Variants in EVC2 observed in about 807,000 individuals in gnomAD.
The protein encoded by EVC2 is limbin.
A neutral mutation model predicts 149.3 loss-of-function variants in EVC2; 148 were observed. That is an observed-to-expected ratio of 0.99 (90% CI 0.87 to 1.14). The LOEUF (loss-of-function observed/expected upper bound fraction) is 1.14. EVC2 is among the 50% of genes most tolerant of loss of function. The pLI, the probability that EVC2 is intolerant of heterozygous loss-of-function variation, is 0.00. For missense variants in EVC2, 1,854 were observed against 1,627.3 expected (o/e 1.14, Z -2.40); for synonymous variants, 776 against 649.9 (o/e 1.19, Z -2.95).
chr4:5,687,681 T>C (rs767840279), intron 5 of EVC2, among the ~76,000 whole-genome samples: 1 of 152,044 alleles, frequency 6.6e-6, no homozygotes, highest in Non-Finnish European at 1.5e-5. Flanking sequence ...GGAGAGGTGC[T>C]TTCCTGACCC....
Position 5,657,609 on chromosome 4 carries a change from G to A in EVC2, c.1145+5498C>T, listed in dbSNP as rs943965161. ...GACTTTCCACCAAGAACACCATTGT[G>A]TAGAGGCACCTACTGTGCCAGGCAC... On this transcript the variant is annotated intron_variant, in intron 9 of 21. Coordinates refer to ENST00000344408, the MANE Select transcript of EVC2 (RefSeq NM_147127.5). This position sits in a 1 kb window ranked among gnomAD's most constrained non-coding sequence, Gnocchi z 4.7. Among the ~76,000 whole-genome samples, 1 of 152,006 alleles carries A rather than the reference G, an allele frequency of 6.6e-6. No individual in the cohort carries two copies. Among genetic ancestry groups the A allele is most frequent in the African/African-American group, 2.4e-5 (1 of 41,364 alleles).
chr4:5,549,141 T>G (rs766302745), intron 21 of EVC2, among the ~76,000 whole-genome samples: 1 of 152,176 alleles, frequency 6.6e-6, no homozygotes, highest in Non-Finnish European at 1.5e-5. Flanking sequence ...ATAGCAACAA[T>G]AAAACTAACC....
chr4:5,547,625 G>C (rs1721647450), intron 21 of EVC2, among the ~76,000 whole-genome samples: 1 of 152,192 alleles, frequency 6.6e-6, no homozygotes, highest in Admixed American at 6.5e-5. Flanking sequence ...CAGCTGCAGA[G>C]AGGAGCTACC....
At position 5,625,903 on chromosome 4, in the gene EVC2, C is replaced by G. The variant is rs770179911; in HGVS notation, c.1892G>C (p.Gly631Ala). 1.7e-5 allele frequency: 28 copies of G among 1,613,776 alleles called. No individual in the cohort carries two copies. The highest frequency in any genetic ancestry group is 2.1e-5 in the Non-Finnish European group (25 of 1,180,014). The change falls in exon 13 of 22, where the codon GGG (glycine) becomes GCG (alanine). Residue 631 changes from glycine to alanine, a missense_variant. Physicochemically the swap from Gly to Ala is moderately conservative, Grantham distance 60. Coordinates refer to ENST00000344408, the MANE Select transcript of EVC2 (RefSeq NM_147127.5). The surrounding 1 kb of genome is among the most constrained non-coding windows in gnomAD (Gnocchi z 4.0). ...TTCCATTTGGTCTTCATCCAGGTAC[C>G]CTGCTCTAGATGGAAAGGATGTAAA... Reference protein sequence around the residue: ...THLIQKHERAGYLDEDQMEML... With the variant: ...THLIQKHERAAYLDEDQMEML...
chr4:5,619,465 A>G lies in EVC2; in HGVS notation c.2502-783T>C, dbSNP rs115903233. 8.4e-3 allele frequency among the ~76,000 whole-genome samples: 1,286 copies of G among 152,278 alleles called. 15 individuals carry two copies. The highest frequency in any genetic ancestry group is 0.029 in the African/African-American group (1,212 of 41,566). On this transcript the variant is annotated intron_variant, in intron 14 of 21. Transcript: ENST00000344408. ...CCAATGAATGCCAAGGATTGCCAGC[A>G]ACACCAGCAGCTAAGAAAAGGTATG...
chr4:5,600,985 C>T (rs1349577154), intron 16 of EVC2, among the ~76,000 whole-genome samples: 2 of 152,242 alleles, frequency 1.3e-5, no homozygotes, highest in African/African-American at 2.4e-5. Context: ...CAGCTCTCTT[C>T]CTGCATTTGG....
intron 6 of EVC2, among the ~76,000 whole-genome samples, chr4:5,683,315 A>G (rs1033142490): frequency 6.6e-6 from 1 of 152,204 alleles, no homozygotes; most frequent in Non-Finnish European, 1.5e-5. Flanking sequence ...ATTCTAGTAC[A>G]TTCTGCTGTG....
In EVC2 at chr4:5,616,912, G is replaced by A. The variant is rs551848926; in HGVS notation, c.2707-1368C>T. 3.0e-3 allele frequency among the ~76,000 whole-genome samples: 453 copies of A among 152,270 alleles called. 3 individuals are homozygous for A. Among genetic ancestry groups the A allele is most frequent in the African/African-American group, 0.011 (437 of 41,558 alleles). ...TGAAGGCAGAAACTTCACTCCTGCCGGGACTCACCAGCTTCAAGGCAGGGG... is the reference window on the plus strand; with the variant it reads ...TGAAGGCAGAAACTTCACTCCTGCCAGGACTCACCAGCTTCAAGGCAGGGG... On this transcript the variant is annotated intron_variant, in intron 15 of 21. Transcript: ENST00000344408.
In EVC2 at chr4:5,696,712, C is replaced by G. The variant is rs937290140; in HGVS notation, c.283+881G>C. On this transcript the variant is annotated intron_variant, in intron 2 of 21. Coordinates refer to ENST00000344408, the MANE Select transcript of EVC2 (RefSeq NM_147127.5). The surrounding 1 kb of genome is among the most constrained non-coding windows in gnomAD (Gnocchi z 4.1). ...TAGGAGCATTGAGAACCTTGTGCTC[C>G]TGGGTCCAGCAGTGCCAGGGCCTGT... 6.6e-6 allele frequency among the ~76,000 whole-genome samples: 1 copy of G among 152,182 alleles called. No individual in the cohort carries two copies. Among genetic ancestry groups the G allele is most frequent in the African/African-American group, 2.4e-5 (1 of 41,438 alleles).
At chr4:5,687,623 C>T (rs774874800) in intron 5 of EVC2, among the ~76,000 whole-genome samples, 2 of 152,060 alleles carry the variant, frequency 1.3e-5, no homozygotes, top group Admixed American at 6.5e-5. Flanking sequence ...AAGGTGACAC[C>T]AGGGCCAGGT....
At chr4:5,554,656 G>A (rs1281853957) in intron 21 of EVC2, among the ~76,000 whole-genome samples, 1 of 152,188 alleles carries the variant, frequency 6.6e-6, no homozygotes, top group Non-Finnish European at 1.5e-5. Flanking sequence ...CTCACTTGAG[G>A]GAAGTGAGGA....
intron 21 of EVC2, among the ~76,000 whole-genome samples, chr4:5,544,843 C>T (rs1404001888): frequency 6.6e-6 from 1 of 152,164 alleles, no homozygotes. Context: ...CAAGGACATA[C>T]AGATCCAGCC....
intron 5 of EVC2, 152 bp downstream of exon 5, chr4:5,689,005 T>C (rs1331623505): frequency 1.9e-5 from 16 of 828,172 alleles, no homozygotes; most frequent in Middle Eastern, 4.6e-4. Flanking sequence ...TTCTCTTTTT[T>C]TGATACCCTG....
chr4:5,591,090 T>C (rs529422171), intron 16 of EVC2, among the ~76,000 whole-genome samples: 125 of 152,292 alleles, frequency 8.2e-4, no homozygotes, highest in Middle Eastern at 3.4e-3. Context: ...CAAGATGAGA[T>C]TGGGTGGAGA....
At chr4:5,568,925 G>A (rs1490544443) in intron 19 of EVC2, among the ~76,000 whole-genome samples, 2 of 152,178 alleles carry the variant, frequency 1.3e-5, no homozygotes, top group African/African-American at 4.8e-5. Flanking sequence ...CTGCAGCAGG[G>A]TGATTCAAAA....
chr4:5,675,987 A>T (rs7675573), intron 7 of EVC2, among the ~76,000 whole-genome samples: 1 of 152,030 alleles, frequency 6.6e-6, no homozygotes, highest in Admixed American at 6.5e-5. Context: ...TGCACTCTAA[A>T]TGAATTGGGG....
rs578164019 is a variant in EVC2 at position 5,666,057 on chromosome 4, C to G, written c.871-408G>C. On this transcript the variant is annotated intron_variant, in intron 7 of 21. Coordinates refer to ENST00000344408, the MANE Select transcript of EVC2 (RefSeq NM_147127.5). ...AGAGGAAGAACCCATGGCACCCTCA[C>G]CTTCCCGCTACCCTCTATTAACTTT... is the stretch of plus-strand genomic sequence containing the variant. 3.5e-3 allele frequency among the ~76,000 whole-genome samples: 538 copies of G among 152,248 alleles called. 1 individual carries two copies. Among genetic ancestry groups the G allele is most frequent in the African/African-American group, 0.013 (521 of 41,550 alleles).
At position 5,576,138 on chromosome 4, in the gene EVC2, G is replaced by A. The variant is rs1394846165; in HGVS notation, c.3272+102C>T. 3 of 1,590,600 alleles carry A rather than the reference G, an allele frequency of 1.9e-6. No individual in the cohort carries two copies. The highest frequency in any genetic ancestry group is 1.1e-5 in the South Asian group (1 of 89,930). The stretch of plus-strand genomic sequence containing the variant: ...ATGGGATGACACCTTAGGCAAGAGG[G>A]TGAGAGCCCAGGTGGGTATGGGTGG... On this transcript the variant is annotated intron_variant, in intron 18 of 21. Transcript: ENST00000344408. This position sits in a 1 kb window ranked among gnomAD's most constrained non-coding sequence, Gnocchi z 4.5.
In EVC2 at chr4:5,686,096, AC is replaced by A. The variant is rs1560224708; in HGVS notation, c.707-618del. Among the ~76,000 whole-genome samples, 32 of 54,498 alleles carry A rather than the reference AC, an allele frequency of 5.9e-4. No homozygotes were observed. Among genetic ancestry groups the A allele is most frequent in the African/African-American group, 1.8e-3 (15 of 8,308 alleles). 35.8% of individuals were successfully genotyped at this position (54,498 alleles called of 152,430 possible). A position where few individuals can be genotyped will look rare whatever the true frequency, so the allele number is the denominator to read the frequency against. On this transcript the variant is annotated intron_variant, in intron 5 of 21. Transcript: ENST00000344408. This position sits in a 1 kb window ranked among gnomAD's most constrained non-coding sequence, Gnocchi z 5.4. ...ACATATATACACACACATATATATTACACACACACACACACACACACACACA... is the reference window on the plus strand; with the variant it reads ...ACATATATACACACACATATATATTAACACACACACACACACACACACACA...
Sources: allele counts gnomAD v4.1 joint callset (sites outside exome capture counted in the v4.1 genomes callset), GRCh38; gene constraint gnomAD v4.1.1; non-coding constraint Gnocchi (gnomAD v3.1); transcripts MANE v1.5; gene names NCBI Gene and HGNC (gene_info 2026-07-23, HGNC 2026-07-21).